Variants in BMPR2 observed in about 807,000 individuals in gnomAD.
BMPR2 encodes bone morphogenetic protein receptor type-2.
A neutral mutation model predicts 100.8 loss-of-function variants in BMPR2; 29 were observed. The ratio of observed to expected loss-of-function variants is 0.29; its 90% CI spans 0.21 to 0.39. BMPR2 has a LOEUF of 0.39. BMPR2 is among the 10% of genes least tolerant of loss of function. The probability of loss-of-function intolerance (pLI) is 1.00; values close to 1 mark genes in which losing one functional copy is unlikely to be tolerated. For missense variants in BMPR2, 1,011 were observed against 1,274.5 expected (o/e 0.79, Z 3.15); for synonymous variants, 382 against 442.3 (o/e 0.86, Z 1.71).
chr2:202,452,271 C>A (rs553964950), intron 1 of BMPR2, among the ~76,000 whole-genome samples: 62 of 152,110 alleles, frequency 4.1e-4, no homozygotes, highest in South Asian at 1.0e-3. Context: ...TGTGTGATGT[C>A]TTTTGCTCTG....
chr2:202,478,768 A>G (rs1348178429), intron 3 of BMPR2, among the ~76,000 whole-genome samples: 2 of 152,062 alleles, frequency 1.3e-5, no homozygotes, highest in Non-Finnish European at 2.9e-5. Flanking sequence ...GAAATGAAAG[A>G]ACAAAAAGAT....
intron 3 of BMPR2, among the ~76,000 whole-genome samples, chr2:202,489,493 T>C (rs1692853494): frequency 6.6e-6 from 1 of 152,164 alleles, no homozygotes; most frequent in Non-Finnish European, 1.5e-5. Context: ...AAAGTTAGAA[T>C]ATAATTGGAC....
intron 1 of BMPR2, among the ~76,000 whole-genome samples, chr2:202,429,753 G>A (rs1574444434): frequency 6.6e-6 from 1 of 152,124 alleles, no homozygotes; most frequent in African/African-American, 2.4e-5. Context: ...GGAAGCAGGT[G>A]CCTTCTTCAC....
chr2:202,503,739 A>G lies in BMPR2; in HGVS notation c.419-9980A>G, dbSNP rs928388017. On this transcript the variant is annotated intron_variant, in intron 3 of 12. Coordinates refer to ENST00000374580, the MANE Select transcript of BMPR2 (RefSeq NM_001204.7). This position sits in a 1 kb window ranked among gnomAD's most constrained non-coding sequence, Gnocchi z 4.0. The stretch of plus-strand genomic sequence containing the variant: ...GGCGCCCAGTCCCATCAACCACCCA[A>G]GGGCTGAGGAGTGTGAGCGCACGGT... Among the ~76,000 whole-genome samples, 4 of 152,262 alleles carry G rather than the reference A, an allele frequency of 2.6e-5. No homozygotes were observed. Among genetic ancestry groups the G allele is most frequent in the Admixed American group, 6.5e-5 (1 of 15,296 alleles).
chr2:202,441,783 C>T (rs1208809990), intron 1 of BMPR2, among the ~76,000 whole-genome samples: 1 of 148,586 alleles, frequency 6.7e-6, no homozygotes, highest in East Asian at 1.9e-4. Flanking sequence ...CCTGTAATCC[C>T]AGCACTTTGG....
chr2:202,421,786 A>G (rs1043295189), intron 1 of BMPR2, among the ~76,000 whole-genome samples: 1 of 152,046 alleles, frequency 6.6e-6, no homozygotes, highest in Non-Finnish European at 1.5e-5. Flanking sequence ...ATGTTGGGAA[A>G]ACACAACTGG....
At chr2:202,384,536 C>CT (rs1351121076) in intron 1 of BMPR2, among the ~76,000 whole-genome samples, 1 of 87,328 alleles carries the variant, frequency 1.1e-5, no homozygotes. Context: ...CTTTCTCTTT[C>CT]TTTCTTTCTT....
At chr2:202,429,770 G>A (rs2105930273) in intron 1 of BMPR2, among the ~76,000 whole-genome samples, 1 of 152,252 alleles carries the variant, frequency 6.6e-6, no homozygotes, top group African/African-American at 2.4e-5. Context: ...TCACAAGGCA[G>A]CAGGAGAGAG....
chr2:202,430,309 T>G (rs1270078683), intron 1 of BMPR2, among the ~76,000 whole-genome samples: 1 of 152,198 alleles, frequency 6.6e-6, no homozygotes, highest in African/African-American at 2.4e-5. Flanking sequence ...ATGCAGTATT[T>G]GTTGAAAGAA....
chr2:202,559,489 C>T (rs1305347294), intron 12 of BMPR2, among the ~76,000 whole-genome samples: 1 of 152,070 alleles, frequency 6.6e-6, no homozygotes, highest in Non-Finnish European at 1.5e-5. Flanking sequence ...ATAAGTCAAT[C>T]AGTTATTAAA....
At chr2:202,537,414 G>T (rs1360256363) in intron 9 of BMPR2, among the ~76,000 whole-genome samples, 1 of 152,130 alleles carries the variant, frequency 6.6e-6, no homozygotes, top group Non-Finnish European at 1.5e-5. Flanking sequence ...TTAAATGTTT[G>T]AATAGGGAAA....
rs1233934689 is a variant in BMPR2 at position 202,555,967 on chromosome 2, G to A, written c.2302G>A (p.Glu768Lys). ...TTTGAACACCAAAAATTCAACAAAA[G>A]AGCCCCGGCTAAAATTTGGCAGCAA... ...LPLNTKNSTK[E>K]PRLKFGSKHK... The change falls in exon 12 of 13, where the codon GAG becomes AAG. Residue 768 changes from glutamate (E) to lysine (K), a missense_variant. Coordinates refer to ENST00000374580, the MANE Select transcript of BMPR2 (RefSeq NM_001204.7). 6.2e-7 allele frequency: 1 copy of A among 1,614,010 alleles called. No individual in the cohort carries two copies. The highest frequency in any genetic ancestry group is 8.5e-7 in the Non-Finnish European group (1 of 1,180,022).
At chr2:202,406,822 C>G (rs944343558) in intron 1 of BMPR2, among the ~76,000 whole-genome samples, 2 of 152,016 alleles carry the variant, frequency 1.3e-5, no homozygotes, top group African/African-American at 4.8e-5. Context: ...GCAAGAATGG[C>G]GTAATAAACT....
At chr2:202,412,269 G>C (rs1046717023) in intron 1 of BMPR2, among the ~76,000 whole-genome samples, 17 of 152,188 alleles carry the variant, frequency 1.1e-4, no homozygotes, top group African/African-American at 2.2e-4. Flanking sequence ...AACAAACAAA[G>C]AAACAAAACG....
intron 12 of BMPR2, among the ~76,000 whole-genome samples, chr2:202,558,738 A>T (rs1339679661): frequency 6.6e-6 from 1 of 151,854 alleles, no homozygotes; most frequent in African/African-American, 2.4e-5. Context: ...TACTAAAAAT[A>T]CAAAAGTAGC....
At chr2:202,548,385 G>A (rs766742458) in intron 10 of BMPR2, among the ~76,000 whole-genome samples, 26 of 151,964 alleles carry the variant, frequency 1.7e-4, no homozygotes, top group Non-Finnish European at 3.1e-4. Context: ...CTAGGAATGT[G>A]AAGCTGTAGT....
At chr2:202,437,151 G>A (rs531187965) in intron 1 of BMPR2, among the ~76,000 whole-genome samples, 4 of 150,308 alleles carry the variant, frequency 2.7e-5, no homozygotes, top group South Asian at 2.1e-4. Context: ...GATTACAGGC[G>A]GGCGCCACCA....
intron 11 of BMPR2, 139 bp downstream of exon 11, chr2:202,553,027 C>T (rs1688509550): frequency 4.3e-6 from 5 of 1,160,074 alleles, no homozygotes; most frequent in East Asian, 2.6e-5. Flanking sequence ...ATTTTTCTTT[C>T]AATATTCCTA....
intron 10 of BMPR2, among the ~76,000 whole-genome samples, chr2:202,548,985 T>C (rs1688423536): frequency 6.6e-6 from 1 of 152,198 alleles, no homozygotes; most frequent in South Asian, 2.1e-4. Flanking sequence ...ATTGTGAACA[T>C]GTCAATTACC....
Sources: allele counts gnomAD v4.1 joint callset (sites outside exome capture counted in the v4.1 genomes callset), GRCh38; gene constraint gnomAD v4.1.1; non-coding constraint Gnocchi (gnomAD v3.1); transcripts MANE v1.5; gene names NCBI Gene and HGNC (gene_info 2026-07-23, HGNC 2026-07-21).